Variants in EEFSEC observed in about 807,000 individuals in gnomAD.
The protein encoded by EEFSEC is eukaryotic elongation factor, selenocysteine-tRNA specific, also known as selenocysteine-specific elongation factor.
In EEFSEC, 43 loss-of-function variants were observed where a neutral mutation model predicts 42.1. The observed-to-expected ratio is 1.02, with a 90% CI of 0.80 to 1.32. EEFSEC has a LOEUF of 1.32. Ranked by LOEUF, EEFSEC falls within the 40% of genes most tolerant of loss-of-function variation. The pLI, the probability that EEFSEC is intolerant of heterozygous loss-of-function variation, is 0.00. For synonymous variants in EEFSEC, 354 were observed against 339.1 expected (o/e 1.04, Z -0.48); for missense variants, 745 against 803.6 (o/e 0.93, Z 0.88).
At position 128,262,723 on chromosome 3, in the gene EEFSEC, G is replaced by C. The variant is rs78098925; in HGVS notation, c.621+499G>C. Among the ~76,000 whole-genome samples the C allele has an allele frequency of 4.0e-3, 611 of 152,296 alleles. 10 individuals are homozygous for C. Among genetic ancestry groups the C allele is most frequent in the African/African-American group, 0.014 (589 of 41,556 alleles). ...CACCAAAGATGGGAGGCTTATCTTC[G>C]GAAGCTGTGGGGCTGAGGCCCAGGT... On this transcript the variant is annotated intron_variant, in intron 3 of 6. Transcript: ENST00000254730.
At chr3:128,170,153 C>T (rs778555056) in intron 1 of EEFSEC, among the ~76,000 whole-genome samples, 3 of 152,208 alleles carry the variant, frequency 2.0e-5, no homozygotes, top group Non-Finnish European at 2.9e-5. Context: ...GCCTCCCCCG[C>T]CTGGCCCGAG....
At chr3:128,367,601 T>A (rs1329826394) in intron 6 of EEFSEC, 1 of 979,130 alleles carries the variant, frequency 1.0e-6, no homozygotes, top group Non-Finnish European at 1.2e-6. Flanking sequence ...ACCTCAGGGA[T>A]GCCGTGAGAC....
chr3:128,341,871 G>T lies in EEFSEC; in HGVS notation c.1425G>T (p.Lys475Asn). ...PRLKVYKLKH[K>N]HGLVERAMDD... Reference sequence around the variant, plus strand: ...TGAAGGTGTACAAGCTGAAGCACAAGCATGGCCTTGTGGAGCGGGTGAGCA... The same window carrying T: ...TGAAGGTGTACAAGCTGAAGCACAATCATGGCCTTGTGGAGCGGGTGAGCA... The change falls in exon 5 of 7, where the codon AAG becomes AAT. Residue 475 changes from lysine to asparagine, a missense_variant. Physicochemically the swap from Lys to Asn is moderately conservative, Grantham distance 94. Transcript: ENST00000254730. The T allele has an allele frequency of 6.2e-7, 1 of 1,613,448 alleles. No individual in the cohort carries two copies. Among genetic ancestry groups the T allele is most frequent in the Non-Finnish European group, 8.5e-7 (1 of 1,179,916 alleles).
chr3:128,236,679 C>T (rs571934704), intron 1 of EEFSEC, among the ~76,000 whole-genome samples: 3 of 152,366 alleles, frequency 2.0e-5, no homozygotes, highest in African/African-American at 7.2e-5. Context: ...TCTCCTTCCT[C>T]TTCCTCAAAC....
At chr3:128,194,149 A>G (rs1051446940) in intron 1 of EEFSEC, among the ~76,000 whole-genome samples, 5 of 152,330 alleles carry the variant, frequency 3.3e-5, no homozygotes, top group East Asian at 1.9e-4. Context: ...TGGGACGTGA[A>G]ATCTTTTCAG....
At chr3:128,380,163 G>T (rs553882649) in intron 6 of EEFSEC, among the ~76,000 whole-genome samples, 1 of 152,210 alleles carries the variant, frequency 6.6e-6, no homozygotes, top group Non-Finnish European at 1.5e-5. Flanking sequence ...ACTGCCTGAG[G>T]TGGGCACCCC....
intron 6 of EEFSEC, among the ~76,000 whole-genome samples, chr3:128,361,062 G>A (rs979026111): frequency 6.6e-6 from 1 of 152,168 alleles, no homozygotes; most frequent in African/African-American, 2.4e-5. Context: ...GGGAAGCCTG[G>A]GTTTTGGTGC....
chr3:128,319,050 C>T (rs1200413205), intron 4 of EEFSEC, among the ~76,000 whole-genome samples: 3 of 152,220 alleles, frequency 2.0e-5, no homozygotes, highest in East Asian at 1.9e-4. Context: ...TTTGGCTCCT[C>T]GGGAATTCTT....
intron 6 of EEFSEC, among the ~76,000 whole-genome samples, chr3:128,370,356 G>A (rs753119954): frequency 1.4e-4 from 22 of 152,212 alleles, no homozygotes; most frequent in Non-Finnish European, 2.6e-4. Context: ...GCTGTGTGGA[G>A]GGAGTGCAGC....
At chr3:128,333,300 A>AC (rs1186663960) in intron 4 of EEFSEC, among the ~76,000 whole-genome samples, 4 of 151,912 alleles carry the variant, frequency 2.6e-5, no homozygotes, top group South Asian at 2.1e-4. Flanking sequence ...TGCTGGAGGG[A>AC]CCCCCCAACA....
rs116701387 is a variant in EEFSEC at position 128,293,823 on chromosome 3, A to T, written c.786+29042A>T. 9.1e-3 allele frequency among the ~76,000 whole-genome samples: 1,389 copies of T among 152,270 alleles called. 21 individuals carry two copies. Among genetic ancestry groups the T allele is most frequent in the African/African-American group, 0.031 (1,294 of 41,520 alleles). The stretch of plus-strand genomic sequence containing the variant: ...TTCTGAGCCTTAGTTAATTTTTCTA[A>T]AAGGGTAATGGGAGTATCTTCCCTG... On this transcript the variant is annotated intron_variant, in intron 4 of 6. Coordinates refer to ENST00000254730, the MANE Select transcript of EEFSEC (RefSeq NM_021937.5).
At chr3:128,359,944 C>A (rs1192545308) in intron 6 of EEFSEC, among the ~76,000 whole-genome samples, 1 of 152,184 alleles carries the variant, frequency 6.6e-6, no homozygotes, top group Non-Finnish European at 1.5e-5. Flanking sequence ...CCAGGGAACC[C>A]CTTCCTTTCA....
chr3:128,163,950 A>C (rs562246157), intron 1 of EEFSEC, among the ~76,000 whole-genome samples: 4 of 151,956 alleles, frequency 2.6e-5, no homozygotes, highest in South Asian at 2.1e-4. Flanking sequence ...AAAAAAAAAA[A>C]AACAAAACTA....
chr3:128,293,671 A>AAAAAAAAAAAAAC, intron 4 of EEFSEC, among the ~76,000 whole-genome samples: 1 of 124,314 alleles, frequency 8.0e-6, no homozygotes, highest in African/African-American at 3.1e-5. Context: ...AAAAAAAAAA[A>AAAAAAAAAAAAAC]AAAAAAAAAA....
chr3:128,254,146 C>T (rs911963207), intron 2 of EEFSEC, among the ~76,000 whole-genome samples: 4 of 152,086 alleles, frequency 2.6e-5, no homozygotes, highest in African/African-American at 4.8e-5. Flanking sequence ...TGCTTTGTGT[C>T]GGAGTTAAAG....
chr3:128,219,988 C>T (rs2065846472), intron 1 of EEFSEC, among the ~76,000 whole-genome samples: 1 of 152,146 alleles, frequency 6.6e-6, no homozygotes, highest in African/African-American at 2.4e-5. Context: ...AAATGGTAAA[C>T]TCTTTGCATT....
intron 1 of EEFSEC, among the ~76,000 whole-genome samples, chr3:128,214,559 A>C (rs934410110): frequency 6.6e-6 from 1 of 152,228 alleles, no homozygotes; most frequent in African/African-American, 2.4e-5. Context: ...GAGATCAAAA[A>C]ATTCAGTTTT....
intron 1 of EEFSEC, among the ~76,000 whole-genome samples, chr3:128,163,070 T>C (rs557994540): frequency 6.6e-6 from 1 of 152,184 alleles, no homozygotes; most frequent in East Asian, 1.9e-4. Context: ...ATTCTTTTGT[T>C]TGATGGAGCC....
chr3:128,336,524 C>G (rs2067191222), intron 4 of EEFSEC, among the ~76,000 whole-genome samples: 1 of 152,176 alleles, frequency 6.6e-6, no homozygotes, highest in Non-Finnish European at 1.5e-5. Context: ...TGCTGCCTCC[C>G]TGGACCACCG....
Sources: gnomAD v4.1 joint callset for allele counts (sites outside exome capture counted in the v4.1 genomes callset) on GRCh38, gnomAD v4.1.1 for gene constraint, MANE v1.5 for transcripts, NCBI Gene and HGNC (gene_info 2026-07-23, HGNC 2026-07-21) for gene names.